GALNTL6: variants seen among roughly 807,000 people sequenced by gnomAD.
GALNTL6 encodes the protein polypeptide N-acetylgalactosaminyltransferase like 6.
A neutral mutation model predicts 73.7 loss-of-function variants in GALNTL6; 46 were observed. That is an observed-to-expected ratio of 0.62 (90% CI 0.49 to 0.80). GALNTL6 has a LOEUF of 0.80. Ranked by LOEUF, GALNTL6 falls within the 30% of genes least tolerant of loss-of-function variation. The probability of loss-of-function intolerance (pLI) is 0.00; values close to 1 mark genes in which losing one functional copy is unlikely to be tolerated. For synonymous variants in GALNTL6, 259 were observed against 263.7 expected (o/e 0.98, Z 0.17); for missense variants, 604 against 755.0 (o/e 0.80, Z 2.34).
chr4:172,441,965 C>T (rs1032601974), intron 5 of GALNTL6, among the ~76,000 whole-genome samples: 2 of 152,062 alleles, frequency 1.3e-5, no homozygotes, highest in African/African-American at 4.8e-5. Context: ...TTTCCAGTCA[C>T]ATTATCCAGC....
chr4:172,983,644 A>C (rs1392339464), intron 10 of GALNTL6, among the ~76,000 whole-genome samples: 1 of 152,186 alleles, frequency 6.6e-6, no homozygotes, highest in Non-Finnish European at 1.5e-5. Context: ...GCAGTGAGTC[A>C]AGACTGCACC....
chr4:172,411,715 T>C (rs1453642379), intron 5 of GALNTL6, among the ~76,000 whole-genome samples: 1 of 152,042 alleles, frequency 6.6e-6, no homozygotes, highest in East Asian at 1.9e-4. Context: ...TTGGCTTAGC[T>C]GCAACCTGCC....
Position 172,348,544 on chromosome 4 carries a change from G to C in GALNTL6, c.408G>C (p.Leu136=), listed in dbSNP as rs1741832708. ...CCAGCTGTAAGCATAAGATGTATCT[G>C]GAAAGGCTGCCAAACACCAGCATCA... ...RHANCKHKMY[L]ERLPNTSIII... is the part of the protein sequence containing the mutation. The change falls in exon 5 of 13, where the codon CTG becomes CTC. Residue 136 remains leucine (L), a synonymous_variant. Transcript: ENST00000506823. The C allele has an allele frequency of 1.2e-6, 2 of 1,612,174 alleles. No homozygotes were observed. The highest frequency in any genetic ancestry group is 2.7e-5 in the African/African-American group (2 of 74,858).
chr4:172,900,696 G>C (rs993708365), intron 8 of GALNTL6, among the ~76,000 whole-genome samples: 2 of 152,044 alleles, frequency 1.3e-5, no homozygotes, highest in Admixed American at 1.3e-4. Flanking sequence ...TGAAATTCAA[G>C]GGATATTTTT....
chr4:172,483,423 G>A (rs990006472), intron 5 of GALNTL6, among the ~76,000 whole-genome samples: 12 of 152,080 alleles, frequency 7.9e-5, no homozygotes, highest in African/African-American at 2.9e-4. Context: ...ATATACTGGG[G>A]GAATAATGGA....
intron 2 of GALNTL6, among the ~76,000 whole-genome samples, chr4:172,224,230 T>A (rs967789753): frequency 1.8e-4 from 27 of 152,284 alleles, no homozygotes; most frequent in African/African-American, 6.3e-4. Context: ...CCTTGTAAAG[T>A]GGGTAAGGTA....
chr4:172,593,319 A>G lies in GALNTL6; in HGVS notation c.554-216042A>G, dbSNP rs74839681. On this transcript the variant is annotated intron_variant, in intron 5 of 12. Transcript: ENST00000506823. ...TCATGAACACAGCCTGTTCTCTCAT[A>G]TTAAATGCTGAATTTCCCTGTACTG... is the stretch of plus-strand genomic sequence containing the variant. 8.1e-3 allele frequency among the ~76,000 whole-genome samples: 1,236 copies of G among 152,320 alleles called. 12 individuals carry two copies. The highest frequency in any genetic ancestry group is 0.014 in the Non-Finnish European group (958 of 68,028).
intron 2 of GALNTL6, among the ~76,000 whole-genome samples, chr4:172,218,831 A>C (rs969315141): frequency 3.9e-5 from 6 of 152,000 alleles, no homozygotes; most frequent in African/African-American, 1.4e-4. Context: ...AAGAGTGTTC[A>C]GGATTTTTAA....
At chr4:172,753,794 G>T (rs1206607051) in intron 5 of GALNTL6, among the ~76,000 whole-genome samples, 1 of 152,078 alleles carries the variant, frequency 6.6e-6, no homozygotes, top group Non-Finnish European at 1.5e-5. Flanking sequence ...AATATTGTAA[G>T]ATTTAGTTTG....
intron 5 of GALNTL6, among the ~76,000 whole-genome samples, chr4:172,387,639 T>C (rs1743519266): frequency 1.3e-5 from 2 of 152,172 alleles, no homozygotes; most frequent in Non-Finnish European, 2.9e-5. Context: ...TTCTTACTTA[T>C]AATTCACTGA....
intron 2 of GALNTL6, among the ~76,000 whole-genome samples, chr4:171,995,748 T>C (rs1740466441): frequency 6.6e-6 from 1 of 152,026 alleles, no homozygotes; most frequent in Non-Finnish European, 1.5e-5. Flanking sequence ...ACTTTTATGA[T>C]AAAAAATAGA....
intron 5 of GALNTL6, among the ~76,000 whole-genome samples, chr4:172,693,566 T>G (rs1733453065): frequency 6.6e-6 from 1 of 152,170 alleles, no homozygotes; most frequent in African/African-American, 2.4e-5. Context: ...GGGCCACATA[T>G]AGACACCTTA....
chr4:172,004,629 C>T (rs1345507829), intron 2 of GALNTL6, among the ~76,000 whole-genome samples: 1 of 151,926 alleles, frequency 6.6e-6, no homozygotes, highest in African/African-American at 2.4e-5. Flanking sequence ...GAAACAGATG[C>T]ATTCAGATTA....
intron 12 of GALNTL6, 40 bp downstream of exon 12, chr4:173,021,665 G>A (rs2126516281): frequency 6.2e-7 from 1 of 1,602,118 alleles, no homozygotes; most frequent in East Asian, 2.2e-5. Context: ...AAATTACTGT[G>A]GTTTAAGTTA....
chr4:172,869,369 A>G (rs1009486488), intron 7 of GALNTL6, among the ~76,000 whole-genome samples: 1 of 152,180 alleles, frequency 6.6e-6, no homozygotes, highest in African/African-American at 2.4e-5. Context: ...AAATTTGCGT[A>G]TATTTGATTT....
chr4:172,482,684 G>A (rs1487645355), intron 5 of GALNTL6, among the ~76,000 whole-genome samples: 1 of 152,178 alleles, frequency 6.6e-6, no homozygotes, highest in Non-Finnish European at 1.5e-5. Context: ...TTGGTAATTT[G>A]TATGCTGCAG....
At chr4:172,523,373 T>C (rs1734848855) in intron 5 of GALNTL6, among the ~76,000 whole-genome samples, 1 of 152,130 alleles carries the variant, frequency 6.6e-6, no homozygotes, top group African/African-American at 2.4e-5. Context: ...TTTATCTATT[T>C]ATTTATTTTG....
At chr4:172,464,083 A>G (rs79733800) in intron 5 of GALNTL6, among the ~76,000 whole-genome samples, 3,743 of 151,866 alleles carry the variant, frequency 0.025, 151 homozygotes, top group African/African-American at 0.082. Context: ...CATTTTTTAT[A>G]TGAGACAGGG....
intron 5 of GALNTL6, among the ~76,000 whole-genome samples, chr4:172,527,625 T>C (rs1255695540): frequency 6.6e-6 from 1 of 152,182 alleles, no homozygotes; most frequent in Non-Finnish European, 1.5e-5. Flanking sequence ...TCACGTTGCT[T>C]TTAGGAACCC....
Sources: gnomAD v4.1 joint callset for allele counts (sites outside exome capture counted in the v4.1 genomes callset) on GRCh38, gnomAD v4.1.1 for gene constraint, MANE v1.5 for transcripts, NCBI Gene and HGNC (gene_info 2026-07-23, HGNC 2026-07-21) for gene names.